Variants in VSNL1 observed in about 807,000 individuals in gnomAD.
VSNL1 encodes visinin-like protein 1.
VSNL1 carries 6 observed loss-of-function variants against 20.4 expected under a neutral mutation model. The ratio of observed to expected loss-of-function variants is 0.29; its 90% CI spans 0.16 to 0.58. The LOEUF is 0.58. Ranked by LOEUF, VSNL1 falls within the 20% of genes least tolerant of loss-of-function variation. The probability of loss-of-function intolerance (pLI) is 0.90; values close to 1 mark genes in which losing one functional copy is unlikely to be tolerated. For missense variants in VSNL1, 100 were observed against 234.5 expected, an observed-to-expected ratio of 0.43 and a Z score of 3.75; for synonymous variants, 93 against 86.4, an observed-to-expected ratio of 1.08 and a Z score of -0.42.
chr2:17,648,960 CA>C (rs887137373), intron 2 of VSNL1, among the ~76,000 whole-genome samples: 12 of 152,196 alleles, frequency 7.9e-5, no homozygotes, highest in Non-Finnish European at 1.6e-4. Context: ...CAGGAGAAAC[CA>C]GGTCTGGGCA....
In VSNL1 at chr2:17,655,171, T is replaced by A. The variant is rs780460155; in HGVS notation, c.379-26T>A. 1.2e-6 allele frequency: 2 copies of A among 1,609,376 alleles called. No individual in the cohort carries two copies. The highest frequency in any genetic ancestry group is 1.7e-6 in the Non-Finnish European group (2 of 1,177,990). On this transcript the variant is annotated intron_variant, in intron 3 of 3. Coordinates refer to ENST00000295156, the MANE Select transcript of VSNL1 (RefSeq NM_003385.5). The surrounding 1 kb of genome is among the most constrained non-coding windows in gnomAD (Gnocchi z 5.2). ...CTGTCCTCCTGGGTTTCTGGTAATA[T>A]CACCTACAATGCTTTTTTCCCCAAG...
rs188834016 is a variant in VSNL1, at chr2:17,649,442, C to T, written c.195C>T (p.Ala65=). Residue 65 remains alanine (A), a synonymous_variant, in exon 3 of 4, where the codon GCC becomes GCT. Coordinates refer to ENST00000295156, the MANE Select transcript of VSNL1 (RefSeq NM_003385.5). The surrounding 1 kb of genome is among the most constrained non-coding windows in gnomAD (Gnocchi z 6.4). ...CTTATGGAGACGCCTCCAAGTTTGC[C>T]CAGCATGCCTTCCGAACCTTCGACA... is the stretch of plus-strand genomic sequence containing the variant. ...FFPYGDASKF[A]QHAFRTFDKN... The T allele has an allele frequency of 1.2e-6, 2 of 1,614,224 alleles. No homozygotes were observed. The highest frequency in any genetic ancestry group is 2.7e-5 in the African/African-American group (2 of 75,048).
intron 2 of VSNL1, among the ~76,000 whole-genome samples, chr2:17,642,047 C>G (rs554158587): frequency 6.6e-6 from 1 of 152,026 alleles, no homozygotes; most frequent in African/African-American, 2.4e-5. Context: ...CTGATTTATC[C>G]GTCATTTTAT....
intron 2 of VSNL1, among the ~76,000 whole-genome samples, chr2:17,605,894 C>T (rs904131350): frequency 1.3e-5 from 2 of 152,196 alleles, no homozygotes; most frequent in Non-Finnish European, 2.9e-5. Flanking sequence ...TGACTAGATG[C>T]ATAGATGAAT....
At chr2:17,583,669 C>A (rs1005999932) in intron 1 of VSNL1, among the ~76,000 whole-genome samples, 3 of 152,190 alleles carry the variant, frequency 2.0e-5, no homozygotes, top group African/African-American at 7.2e-5. Flanking sequence ...ATGGAAACTT[C>A]ACTCAATGGT....
chr2:17,622,086 C>T (rs1665372417), intron 2 of VSNL1, among the ~76,000 whole-genome samples: 1 of 152,016 alleles, frequency 6.6e-6, no homozygotes, highest in Non-Finnish European at 1.5e-5. Context: ...CTCTCCTTGC[C>T]TTCCTTTTCC....
chr2:17,586,717 C>A (rs1664482656), intron 1 of VSNL1, among the ~76,000 whole-genome samples: 1 of 152,154 alleles, frequency 6.6e-6, no homozygotes, highest in African/African-American at 2.4e-5. Context: ...CTGATTCCGT[C>A]AAGTTAATTA....
intron 1 of VSNL1, among the ~76,000 whole-genome samples, chr2:17,579,553 C>T (rs1405218476): frequency 2.0e-5 from 3 of 152,178 alleles, no homozygotes; most frequent in Non-Finnish European, 2.9e-5. Context: ...AATGACCTGG[C>T]AAATTCGTTG....
intron 2 of VSNL1, among the ~76,000 whole-genome samples, chr2:17,643,205 C>T (rs752443758): frequency 7.9e-5 from 12 of 152,202 alleles, no homozygotes; most frequent in Non-Finnish European, 1.0e-4. Context: ...AGCCCAGCAC[C>T]AGTTGGGCTT....
intron 2 of VSNL1, among the ~76,000 whole-genome samples, chr2:17,606,701 C>G (rs547649669): frequency 6.6e-6 from 1 of 152,236 alleles, no homozygotes; most frequent in South Asian, 2.1e-4. Context: ...AATGAGACAC[C>G]AGACACTGTT....
intron 2 of VSNL1, among the ~76,000 whole-genome samples, chr2:17,617,886 C>CACATGCACATGCACATGCAT (rs1553302981): frequency 8.5e-5 from 8 of 93,568 alleles, no homozygotes; most frequent in Non-Finnish European, 1.5e-4. Context: ...TGCACATGCA[C>CACATGCACATGCACATGCAT]GCGCACACAC....
chr2:17,598,127 G>A (rs1664750127), intron 2 of VSNL1, among the ~76,000 whole-genome samples: 1 of 152,192 alleles, frequency 6.6e-6, no homozygotes, highest in African/African-American at 2.4e-5. Context: ...AAAACATTCT[G>A]TAATTCTCTG....
chr2:17,631,632 C>T (rs760973747), intron 2 of VSNL1, among the ~76,000 whole-genome samples: 13 of 152,044 alleles, frequency 8.6e-5, no homozygotes, highest in Non-Finnish European at 1.5e-4. Context: ...ACAGTGAAGA[C>T]GTTTTAAACC....
chr2:17,627,791 T>C (rs1665545780), intron 2 of VSNL1, among the ~76,000 whole-genome samples: 1 of 152,252 alleles, frequency 6.6e-6, no homozygotes, highest in Admixed American at 6.5e-5. Context: ...ACCTCCAAAA[T>C]AATGATTGGT....
rs1558314345 is a variant in VSNL1, at chr2:17,655,420, C to T, written c.*26C>T. ...GCTGATGTCAATGCTATGGACTGCACAAAAGTCTCAATGTTCCATTCAGTC... is the reference window on the plus strand; with the variant it reads ...GCTGATGTCAATGCTATGGACTGCATAAAAGTCTCAATGTTCCATTCAGTC... On this transcript the variant is annotated 3_prime_UTR_variant, in exon 4 of 4. Coordinates refer to ENST00000295156, the MANE Select transcript of VSNL1 (RefSeq NM_003385.5). The surrounding 1 kb of genome is among the most constrained non-coding windows in gnomAD (Gnocchi z 5.2). 6.4e-7 allele frequency: 1 copy of T among 1,564,176 alleles called. No individual in the cohort carries two copies. The highest frequency in any genetic ancestry group is 2.3e-5 in the East Asian group (1 of 43,974).
At chr2:17,638,798 G>A (rs1438667861) in intron 2 of VSNL1, among the ~76,000 whole-genome samples, 1 of 152,228 alleles carries the variant, frequency 6.6e-6, no homozygotes, top group African/African-American at 2.4e-5. Flanking sequence ...ATTAGCTGCA[G>A]TTACTCCTTA....
At chr2:17,557,234 A>G (rs1663705766) in intron 1 of VSNL1, among the ~76,000 whole-genome samples, 1 of 152,118 alleles carries the variant, frequency 6.6e-6, no homozygotes, top group Admixed American at 6.5e-5. Flanking sequence ...CTAAAATCCA[A>G]ATTGGATCGA....
chr2:17,574,735 T>C (rs1431741822), intron 1 of VSNL1, among the ~76,000 whole-genome samples: 2 of 152,228 alleles, frequency 1.3e-5, no homozygotes, highest in African/African-American at 4.8e-5. Flanking sequence ...TTGCCACTTA[T>C]GGAAGACTTC....
chr2:17,586,493 C>G (rs62132083), intron 1 of VSNL1, among the ~76,000 whole-genome samples: 1 of 152,100 alleles, frequency 6.6e-6, no homozygotes, highest in Non-Finnish European at 1.5e-5. Flanking sequence ...GTCTGTTTGT[C>G]TATCCTCTGT....
Sources: gnomAD v4.1 joint callset for allele counts (sites outside exome capture counted in the v4.1 genomes callset) on GRCh38, gnomAD v4.1.1 for gene constraint, Gnocchi (gnomAD v3.1) non-coding constraint, MANE v1.5 for transcripts, NCBI Gene and HGNC (gene_info 2026-07-23, HGNC 2026-07-21) for gene names.